The following ADGRL2 variants were observed in gnomAD, a reference collection of about 807,000 sequenced individuals.
ADGRL2 encodes calcium-independent alpha-latrotoxin receptor 2.
In ADGRL2, 44 loss-of-function variants were observed where a neutral mutation model predicts 157.4. The ratio of observed to expected loss-of-function variants is 0.28; its 90% CI spans 0.22 to 0.36. The LOEUF is 0.36. Ranked by LOEUF, ADGRL2 falls within the 10% of genes least tolerant of loss-of-function variation. ADGRL2 has a pLI of 1.00. For synonymous variants in ADGRL2, 585 were observed against 624.7 expected (o/e 0.94, Z 0.95); for missense variants, 1,510 against 1,768.9 (o/e 0.85, Z 2.63).
chr1:81,894,662 A>T (rs1034014183), intron 2 of ADGRL2, among the ~76,000 whole-genome samples: 1 of 152,186 alleles, frequency 6.6e-6, no homozygotes, highest in African/African-American at 2.4e-5. Flanking sequence ...AAAAGAGTAG[A>T]AATTAAAAAA....
At position 81,984,727 on chromosome 1, in the gene ADGRL2, A is replaced by G. The variant is rs772468507; in HGVS notation, c.3411+16A>G. On this transcript the variant is annotated intron_variant, in intron 20 of 23. Coordinates refer to ENST00000686636, the MANE Select transcript of ADGRL2 (RefSeq NM_001366006.2). ...TGGCACACAGGTAACAAAGAGTTTG[A>G]CAGCATCTTTAATTAACCTTATTTA... 1.2e-6 allele frequency: 2 copies of G among 1,611,622 alleles called. No individual in the cohort carries two copies. Among genetic ancestry groups the G allele is most frequent in the Non-Finnish European group, 1.7e-6 (2 of 1,178,386 alleles).
intron 3 of ADGRL2, among the ~76,000 whole-genome samples, chr1:81,620,461 T>C (rs1252319196): frequency 3.3e-5 from 5 of 152,216 alleles, no homozygotes; most frequent in Non-Finnish European, 4.4e-5. Flanking sequence ...TACACAAATA[T>C]GGCAAAATAT....
chr1:81,921,878 TG>T (rs2094988213), intron 3 of ADGRL2, among the ~76,000 whole-genome samples: 1 of 145,558 alleles, frequency 6.9e-6, no homozygotes, highest in Non-Finnish European at 1.5e-5. Flanking sequence ...AAATGATTAG[TG>T]GGTTCTGAGA....
At chr1:81,610,431 G>A (rs191607980) in intron 3 of ADGRL2, among the ~76,000 whole-genome samples, 1 of 152,202 alleles carries the variant, frequency 6.6e-6, no homozygotes. Flanking sequence ...ATCGGCACAA[G>A]TCCAGTGTGA....
At chr1:81,880,988 C>A (rs1571882333) in intron 2 of ADGRL2, among the ~76,000 whole-genome samples, 1 of 152,012 alleles carries the variant, frequency 6.6e-6, no homozygotes, top group Admixed American at 6.6e-5. Context: ...CCATTTCTTC[C>A]TATATTTGTT....
At chr1:81,746,998 A>T (rs1482207623) in intron 1 of ADGRL2, among the ~76,000 whole-genome samples, 1 of 142,880 alleles carries the variant, frequency 7.0e-6, no homozygotes, top group Non-Finnish European at 1.6e-5. Context: ...ATACGTATAT[A>T]CGTGTATACA....
chr1:81,886,459 C>A (rs368297317), intron 2 of ADGRL2, among the ~76,000 whole-genome samples: 2 of 152,312 alleles, frequency 1.3e-5, no homozygotes, highest in Non-Finnish European at 2.9e-5. Flanking sequence ...CATGAGCCAC[C>A]ATGCCCAGCT....
intron 17 of ADGRL2, 96 bp downstream of exon 17, chr1:81,972,014 A>G: frequency 4.4e-6 from 3 of 675,014 alleles, no homozygotes; most frequent in South Asian, 2.3e-5. Context: ...TTATCTATCT[A>G]TACAAAGATT....
intron 1 of ADGRL2, among the ~76,000 whole-genome samples, chr1:81,744,978 C>T (rs2085196781): frequency 6.6e-6 from 1 of 152,082 alleles, no homozygotes; most frequent in Non-Finnish European, 1.5e-5. Flanking sequence ...AATTTGATAA[C>T]AAACCAAAGT....
chr1:81,682,609 G>C (rs985868917), intron 3 of ADGRL2, among the ~76,000 whole-genome samples: 2 of 152,154 alleles, frequency 1.3e-5, no homozygotes, highest in African/African-American at 4.8e-5. Context: ...CCACAGAGAG[G>C]GGGCAGCTCC....
chr1:81,788,802 G>A (rs1245291579), intron 2 of ADGRL2, among the ~76,000 whole-genome samples: 2 of 152,012 alleles, frequency 1.3e-5, no homozygotes, highest in African/African-American at 2.4e-5. Flanking sequence ...TGCAACCTCT[G>A]CCTTTCAGGT....
chr1:81,582,955 G>T (rs952766124), intron 3 of ADGRL2, among the ~76,000 whole-genome samples: 3 of 151,986 alleles, frequency 2.0e-5, no homozygotes, highest in African/African-American at 4.8e-5. Flanking sequence ...TCCCACATCT[G>T]ATTCATCCTA....
At chr1:81,822,461 A>G (rs1327893286) in intron 1 of ADGRL2, among the ~76,000 whole-genome samples, 3 of 151,532 alleles carry the variant, frequency 2.0e-5, no homozygotes, top group Admixed American at 6.6e-5. Flanking sequence ...AAAATGTCCA[A>G]TTTGTACATT....
At chr1:81,578,360 A>G (rs1249086681) in intron 2 of ADGRL2, among the ~76,000 whole-genome samples, 1 of 152,194 alleles carries the variant, frequency 6.6e-6, no homozygotes, top group East Asian at 1.9e-4. Flanking sequence ...GGACAGACAA[A>G]TCTAGCTCAT....
rs540081573 is a variant in ADGRL2, at chr1:81,518,140, G to A, written c.-247-62736G>A. ...ACAGGCGCTAGCCAGGCAGGCAGGA[G>A]TAGGAACGCGTGAAAGGAAATAAAG... On this transcript the variant is annotated intron_variant, in intron 2 of 24. Transcript: ENST00000370721. 1.5e-4 allele frequency among the ~76,000 whole-genome samples: 23 copies of A among 152,366 alleles called. No individual in the cohort carries two copies. The South Asian group carries it at 4.8e-3, about 32-fold the overall frequency.
chr1:81,673,006 AAAGTGTAC>A (rs2082906878), intron 3 of ADGRL2, among the ~76,000 whole-genome samples: 1 of 152,220 alleles, frequency 6.6e-6, no homozygotes, highest in African/African-American at 2.4e-5. Context: ...AGCCTCAGGG[AAAGTGTAC>A]ACTGGATTGA....
intron 3 of ADGRL2, among the ~76,000 whole-genome samples, chr1:81,591,228 T>C (rs2081126857): frequency 6.6e-6 from 1 of 152,184 alleles, no homozygotes; most frequent in South Asian, 2.1e-4. Context: ...GCCATTTCTG[T>C]GAGCCACACA....
intron 3 of ADGRL2, among the ~76,000 whole-genome samples, chr1:81,608,716 C>T (rs189963502): frequency 2.3e-4 from 35 of 152,300 alleles, no homozygotes; most frequent in Middle Eastern, 6.8e-3. Context: ...TGCTACTCTT[C>T]TCCATTGCCT....
chr1:81,533,350 G>C (rs2079652368), intron 2 of ADGRL2, among the ~76,000 whole-genome samples: 1 of 152,178 alleles, frequency 6.6e-6, no homozygotes, highest in South Asian at 2.1e-4. Flanking sequence ...TTGCACTCCA[G>C]CCTGGGCAAC....
Sources: gnomAD v4.1 joint callset for allele counts (sites outside exome capture counted in the v4.1 genomes callset) on GRCh38, gnomAD v4.1.1 for gene constraint, MANE v1.5 for transcripts, NCBI Gene and HGNC (gene_info 2026-07-23, HGNC 2026-07-21) for gene names.